Variants in C1QTNF5 observed in about 807,000 individuals in gnomAD.
C1QTNF5 encodes complement C1q tumor necrosis factor-related protein 5.
Under a neutral mutation model 10.9 loss-of-function variants are expected in C1QTNF5, and 5 were observed. The ratio of observed to expected loss-of-function variants is 0.46; its 90% CI spans 0.24 to 0.97. The LOEUF is 0.97. Among genes scored for constraint, C1QTNF5 ranks in the 50% least tolerant of loss-of-function variants. The pLI is 0.19. For synonymous variants in C1QTNF5, 161 were observed against 156.5 expected (o/e 1.03, Z -0.22); for missense variants, 281 against 339.4 (o/e 0.83, Z 1.35).
At chr11:119,346,116 C>T in the C1QTNF5 span, 23 of 1,605,672 alleles carry the variant, frequency 1.4e-5, no homozygotes, top group Non-Finnish European at 2.0e-5. Flanking sequence ...GGACACAGAG[C>T]CAGGAGAAGC....
At chr11:119,346,684 A>G in the C1QTNF5 span, 22 of 695,972 alleles carry the variant, frequency 3.2e-5, no homozygotes, top group Non-Finnish European at 4.7e-5. Context: ...GGTTTGGCCT[A>G]TGGGCTACTC....
upstream of C1QTNF5, chr11:119,343,666 C>A: frequency 1.0e-6 from 1 of 964,890 alleles, no homozygotes; most frequent in South Asian, 1.4e-5. Context: ...GAGGTGAGAG[C>A]TGTCTTTAGG....
upstream of C1QTNF5, chr11:119,344,715 C>T (rs1260603008): frequency 6.2e-7 from 1 of 1,613,930 alleles, no homozygotes; most frequent in African/African-American, 1.3e-5. Flanking sequence ...AGGTAGCAGG[C>T]AGATGAGCTG....
upstream of C1QTNF5, chr11:119,344,064 G>A (rs1950532193): frequency 6.8e-6 from 10 of 1,469,162 alleles, no homozygotes; most frequent in Admixed American, 1.7e-5. Flanking sequence ...TGGGGGGATG[G>A]GGTGGTGCTT....
At chr11:119,343,518 A>G (rs948639894), upstream of C1QTNF5, among the ~76,000 whole-genome samples, 63 of 152,272 alleles carry the variant, frequency 4.1e-4, no homozygotes, top group African/African-American at 1.4e-3. Context: ...CTCTGCCTCA[A>G]AAAAAGAAGA....
chr11:119,344,464 C>G, upstream of C1QTNF5: 2 of 1,558,454 alleles, frequency 1.3e-6, no homozygotes, highest in Non-Finnish European at 1.8e-6. Context: ...GCGGTGATTA[C>G]AGAGCGAGAG....
the C1QTNF5 span, chr11:119,346,237 C>A: frequency 6.3e-7 from 1 of 1,579,100 alleles, no homozygotes; most frequent in African/African-American, 1.3e-5. Context: ...CTGGGCCTCT[C>A]TGTCCTCCCC....
upstream of C1QTNF5, chr11:119,342,912 C>A (rs1950517644): frequency 6.2e-7 from 1 of 1,612,930 alleles, no homozygotes; most frequent in Non-Finnish European, 8.5e-7. Context: ...GCTGAGAAGC[C>A]TCCACTGCTG....
chr11:119,343,757 G>T, upstream of C1QTNF5: 6 of 1,605,042 alleles, frequency 3.7e-6, no homozygotes, highest in South Asian at 6.6e-5. Context: ...CGACATGGAA[G>T]CCGGGGGTGG....
chr11:119,345,901 GC>G (rs750894392), upstream of C1QTNF5: 12 of 1,613,494 alleles, frequency 7.4e-6, no homozygotes, highest in Non-Finnish European at 9.3e-6. Flanking sequence ...GCTATGGGAC[GC>G]CCCAGATGGG....
upstream of C1QTNF5, chr11:119,344,751 C>T (rs767632302): frequency 6.2e-7 from 1 of 1,613,998 alleles, no homozygotes; most frequent in Non-Finnish European, 8.5e-7. Flanking sequence ...ATCATGGGCA[C>T]AGCTCCCTGG....
chr11:119,346,074 A>G, the C1QTNF5 span: 1 of 1,610,308 alleles, frequency 6.2e-7, no homozygotes, highest in Non-Finnish European at 8.5e-7. Flanking sequence ...CCAGCAGCCC[A>G]AGCAGCAGGA....
At chr11:119,342,883 A>T, upstream of C1QTNF5, 1 of 1,613,066 alleles carries the variant, frequency 6.2e-7, no homozygotes, top group Non-Finnish European at 8.5e-7. Context: ...TCTCCGTGGC[A>T]TTGAAGGCCA....
In C1QTNF5 at chr11:119,340,414, G is replaced by A. The variant is rs1026892010; in HGVS notation, c.-17C>T. ...TGGCCTCATAGCGCTGGCACCGGGAGCCCGGACGCCGGGGTCCTCTCGCAG... is the reference window on the plus strand; with the variant it reads ...TGGCCTCATAGCGCTGGCACCGGGAACCCGGACGCCGGGGTCCTCTCGCAG... On this transcript the variant is annotated 5_prime_UTR_variant, in exon 2 of 3. Transcript: ENST00000528368. The A allele has an allele frequency of 1.0e-5, 16 of 1,541,764 alleles. No individual in the cohort carries two copies. The highest frequency in any genetic ancestry group is 1.4e-5 in the Non-Finnish European group (16 of 1,145,562).
upstream of C1QTNF5, chr11:119,345,015 C>T: frequency 6.2e-7 from 1 of 1,600,624 alleles, no homozygotes; most frequent in Non-Finnish European, 8.5e-7. Context: ...CTGCAAGAAG[C>T]CAGGTTGGGG....
chr11:119,343,813 T>C (rs1161718735), upstream of C1QTNF5: 7 of 1,613,788 alleles, frequency 4.3e-6, no homozygotes, highest in Admixed American at 6.7e-5. Flanking sequence ...CTGGCTCCTG[T>C]ACCTGCCCAG....
Position 119,339,399 on chromosome 11 carries a change from T to G in C1QTNF5, c.664A>C (p.Lys222Gln). The change falls in exon 3 of 3, where the codon AAG becomes CAG. Residue 222 changes from lysine (K) to glutamine (Q), a missense_variant. Coordinates refer to ENST00000528368, the MANE Select transcript of C1QTNF5 (RefSeq NM_001278431.2). The surrounding 1 kb of genome is among the most constrained non-coding windows in gnomAD (Gnocchi z 5.4). ...AATCCGGAGAAGGTGCTGTCTGTCT[T>G]GATGCTGGCATAGATGCCAATGTAG... is the stretch of plus-strand genomic sequence containing the variant. ...GDYIGIYASI[K>Q]TDSTFSGFLV... 3 of 1,613,106 alleles carry G rather than the reference T, an allele frequency of 1.9e-6. No individual in the cohort carries two copies. The highest frequency in any genetic ancestry group is 1.7e-6 in the Non-Finnish European group (2 of 1,179,306).
In C1QTNF5 at chr11:119,339,864, G is replaced by A; in HGVS notation, c.215-16C>T. 6.9e-7 allele frequency: 1 copy of A among 1,459,392 alleles called. No homozygotes were observed. 90.4% of individuals were successfully genotyped at this position (1,459,392 alleles called of 1,614,324 possible). A position where few individuals can be genotyped will look rare whatever the true frequency, so the allele number is the denominator to read the frequency against. ...CCCGGCAGTCCTGCGGGGTAAGCGG[G>A]GCGGCAGGGTGAGAGTAGCGGCGGC... is the stretch of plus-strand genomic sequence containing the variant. On this transcript the variant is annotated splice_polypyrimidine_tract_variant and intron_variant, in intron 2 of 2. Transcript: ENST00000528368. This position sits in a 1 kb window ranked among gnomAD's most constrained non-coding sequence, Gnocchi z 5.4.
upstream of C1QTNF5, chr11:119,345,486 T>C: frequency 3.1e-6 from 5 of 1,614,104 alleles, no homozygotes; most frequent in Non-Finnish European, 3.4e-6. Flanking sequence ...GGCCACACTC[T>C]CTATGCTGAG....
Sources: gnomAD v4.1 joint callset for allele counts (sites outside exome capture counted in the v4.1 genomes callset) on GRCh38, gnomAD v4.1.1 for gene constraint, Gnocchi (gnomAD v3.1) non-coding constraint, MANE v1.5 for transcripts, NCBI Gene and HGNC (gene_info 2026-07-23, HGNC 2026-07-21) for gene names.